Variants in NCKAP5 observed in about 807,000 individuals in gnomAD.
The protein encoded by NCKAP5 is NCK associated protein 5.
A neutral mutation model predicts 167.0 loss-of-function variants in NCKAP5; 92 were observed. The ratio of observed to expected loss-of-function variants is 0.55; its 90% CI spans 0.47 to 0.66. NCKAP5 has a LOEUF of 0.66. NCKAP5 is among the 30% of genes least tolerant of loss of function. The probability of loss-of-function intolerance (pLI) is 0.00; values close to 1 mark genes in which losing one functional copy is unlikely to be tolerated. For missense variants in NCKAP5, 2,378 were observed against 2,315.0 expected, an observed-to-expected ratio of 1.03 and a Z score of -0.56; for synonymous variants, 891 against 877.4, an observed-to-expected ratio of 1.02 and a Z score of -0.27.
chr2:133,107,613 A>G lies in NCKAP5; in HGVS notation c.341+22365T>C, dbSNP rs535611836. Among the ~76,000 whole-genome samples the G allele has an allele frequency of 2.6e-5, 4 of 152,308 alleles. No individual in the cohort carries two copies. The East Asian group carries it at 5.8e-4, about 22-fold the overall frequency. The stretch of plus-strand genomic sequence containing the variant: ...CCTGATCAGCCATGCTAGCCAGCCC[A>G]TGACAAGCACCTCCAGGCAGACACT... On this transcript the variant is annotated intron_variant, in intron 6 of 19. Coordinates refer to ENST00000409261, the MANE Select transcript of NCKAP5 (RefSeq NM_207363.3).
chr2:133,467,448 C>A (rs1392650535), intron 3 of NCKAP5, among the ~76,000 whole-genome samples: 9 of 152,088 alleles, frequency 5.9e-5, no homozygotes, highest in African/African-American at 1.9e-4. Context: ...CAATGTTCAT[C>A]AGGGATATTG....
intron 2 of NCKAP5, among the ~76,000 whole-genome samples, chr2:133,534,055 T>C (rs1685569825): frequency 6.6e-6 from 1 of 152,188 alleles, no homozygotes; most frequent in Non-Finnish European, 1.5e-5. Flanking sequence ...CATCTATACG[T>C]CACATTTTGC....
intron 2 of NCKAP5, chr2:133,527,309 T>C (rs1327868969): frequency 6.6e-6 from 1 of 152,194 alleles, no homozygotes; most frequent in Non-Finnish European, 1.5e-5. Context: ...CCATTGAATG[T>C]CTTTGTGCAC....
the NCKAP5 span, among the ~76,000 whole-genome samples, chr2:133,635,063 G>A: frequency 4.6e-5 from 7 of 152,042 alleles, no homozygotes; most frequent in African/African-American, 7.2e-5. Context: ...TAGTAGAAAC[G>A]GGGTTTCACC....
In NCKAP5 at chr2:133,517,025, G is replaced by A. The variant is rs371931280; in HGVS notation, c.69+433C>T. 1.8e-4 allele frequency among the ~76,000 whole-genome samples: 28 copies of A among 152,270 alleles called. No individual in the cohort carries two copies. In the East Asian group the frequency reaches 4.6e-3, roughly 25 times the overall value. On this transcript the variant is annotated intron_variant, in intron 3 of 19. Coordinates refer to ENST00000409261, the MANE Select transcript of NCKAP5 (RefSeq NM_207363.3). Reference sequence around the variant, plus strand: ...TTAGTTTACAGACAACTGAACTAATGCACATACCTAAGAAGGTCTCCAAGA... The same window carrying A: ...TTAGTTTACAGACAACTGAACTAATACACATACCTAAGAAGGTCTCCAAGA...
Position 133,148,869 on chromosome 2 carries a change from C to T in NCKAP5, c.208-18758G>A, listed in dbSNP as rs1456880441. ...CATTGGAAATGAGAGTTTCAACATT[C>T]GAATTTTGGGAGGACACAAACATTC... On this transcript the variant is annotated intron_variant, in intron 5 of 19. Coordinates refer to ENST00000409261, the MANE Select transcript of NCKAP5 (RefSeq NM_207363.3). Among the ~76,000 whole-genome samples the T allele has an allele frequency of 4.6e-5, 7 of 152,058 alleles. No homozygotes were observed. In the South Asian group the frequency reaches 6.2e-4, roughly 14 times the overall value.
At chr2:133,335,852 A>C (rs961858283) in intron 3 of NCKAP5, among the ~76,000 whole-genome samples, 2 of 152,188 alleles carry the variant, frequency 1.3e-5, no homozygotes, top group African/African-American at 4.8e-5. Flanking sequence ...TTTATATGCT[A>C]ATCAGAGTGT....
rs147164888 is a variant in NCKAP5, at chr2:132,769,243, G to A, written c.5128+4573C>T. On this transcript the variant is annotated intron_variant, in intron 16 of 19. Transcript: ENST00000409261. The stretch of plus-strand genomic sequence containing the variant: ...GATTACAGAGATCAGCCACTACGCC[G>A]GGCCAAGTTAACAATGTCTTCTCTT... Among the ~76,000 whole-genome samples the A allele has an allele frequency of 2.2e-3, 341 of 152,120 alleles. 3 individuals are homozygous for A. Among genetic ancestry groups the A allele is most frequent in the Middle Eastern group, 6.8e-3 (2 of 294 alleles).
chr2:133,510,077 G>T (rs1370203356), intron 3 of NCKAP5, among the ~76,000 whole-genome samples: 1 of 152,180 alleles, frequency 6.6e-6, no homozygotes, highest in Admixed American at 6.5e-5. Flanking sequence ...AGGACCAATT[G>T]CAAGTGCTGG....
At chr2:132,905,744 C>T (rs534442432) in intron 8 of NCKAP5, among the ~76,000 whole-genome samples, 1 of 152,230 alleles carries the variant, frequency 6.6e-6, no homozygotes, top group South Asian at 2.1e-4. Flanking sequence ...GCCACCATTC[C>T]TCATTTACAG....
At chr2:132,875,562 A>G (rs1386474681) in intron 9 of NCKAP5, among the ~76,000 whole-genome samples, 2 of 152,220 alleles carry the variant, frequency 1.3e-5, no homozygotes, top group African/African-American at 2.4e-5. Flanking sequence ...GCAGGATACA[A>G]CGGAATCCAT....
intron 11 of NCKAP5, among the ~76,000 whole-genome samples, chr2:132,859,905 A>T (rs1239445923): frequency 6.6e-6 from 1 of 152,144 alleles, no homozygotes; most frequent in East Asian, 1.9e-4. Flanking sequence ...CTTCAAATCG[A>T]CTCAAATGGC....
chr2:133,031,466 C>T (rs2078876645), intron 6 of NCKAP5, among the ~76,000 whole-genome samples: 1 of 152,200 alleles, frequency 6.6e-6, no homozygotes, highest in South Asian at 2.1e-4. Context: ...TGCCTGCAAA[C>T]CTTGCCACTG....
At chr2:133,459,192 A>G (rs16825253) in intron 3 of NCKAP5, among the ~76,000 whole-genome samples, 66 of 152,120 alleles carry the variant, frequency 4.3e-4, no homozygotes, top group African/African-American at 1.5e-3. Flanking sequence ...ACAAAGCCAG[A>G]TTCCATGTAT....
chr2:133,282,938 T>G (rs961226766), intron 4 of NCKAP5, among the ~76,000 whole-genome samples: 5 of 152,204 alleles, frequency 3.3e-5, no homozygotes, highest in African/African-American at 1.2e-4. Context: ...AAAACAATCC[T>G]TGACTGTTGG....
intron 8 of NCKAP5, among the ~76,000 whole-genome samples, chr2:132,911,766 C>T (rs770201637): frequency 2.0e-5 from 3 of 152,164 alleles, no homozygotes; most frequent in Admixed American, 6.5e-5. Flanking sequence ...AAAGAGGTAA[C>T]GGAGAATTCT....
chr2:132,761,171 G>A (rs187150056), intron 16 of NCKAP5, among the ~76,000 whole-genome samples: 232 of 152,276 alleles, frequency 1.5e-3, no homozygotes, highest in African/African-American at 5.3e-3. Flanking sequence ...GCTTTATGCC[G>A]GGGAGGGGCT....
At chr2:133,050,838 T>C (rs1258693654) in intron 6 of NCKAP5, among the ~76,000 whole-genome samples, 1 of 152,220 alleles carries the variant, frequency 6.6e-6, no homozygotes, top group Non-Finnish European at 1.5e-5. Context: ...CAACAGCCTT[T>C]GATGGTTGAA....
intron 3 of NCKAP5, among the ~76,000 whole-genome samples, chr2:133,410,676 A>G (rs1387671315): frequency 6.6e-6 from 1 of 152,196 alleles, no homozygotes; most frequent in Non-Finnish European, 1.5e-5. Flanking sequence ...GGCCCACCCT[A>G]GACTTACAGC....
Sources: allele counts gnomAD v4.1 joint callset (sites outside exome capture counted in the v4.1 genomes callset), GRCh38; gene constraint gnomAD v4.1.1; transcripts MANE v1.5; gene names NCBI Gene and HGNC (gene_info 2026-07-23, HGNC 2026-07-21).